NEBL: variants seen among roughly 807,000 people sequenced by gnomAD.
NEBL encodes nebulette.
A neutral mutation model predicts 140.2 loss-of-function variants in NEBL; 122 were observed. The observed-to-expected ratio is 0.87, with a 90% CI of 0.75 to 1.01. NEBL has a LOEUF of 1.01. Ranked by LOEUF, NEBL falls within the 50% of genes least tolerant of loss-of-function variation. The pLI is 0.00. For synonymous variants in NEBL, 436 were observed against 398.9 expected (o/e 1.09, Z -1.11); for missense variants, 1,365 against 1,231.3 (o/e 1.11, Z -1.62).
At chr10:21,168,436 A>G (rs1840888454) in intron 2 of NEBL, among the ~76,000 whole-genome samples, 2 of 152,190 alleles carry the variant, frequency 1.3e-5, no homozygotes, top group Non-Finnish European at 2.9e-5. Context: ...ATAATAGCAG[A>G]ACTTGAATAA....
At position 20,819,714 on chromosome 10, in the gene NEBL, T is replaced by TTTG. The variant is rs143964236; in HGVS notation, c.1963-201_1963-199dup. ...GCCAGTCTTTTCCTTGTCAAGTGGT[T>TTTG]TTGTTGTTGTTGTTGTTGTTTTATT... On this transcript the variant is annotated intron_variant, in intron 19 of 27. Transcript: ENST00000377122. Among the ~76,000 whole-genome samples, 4,713 of 151,998 alleles carry TTTG rather than the reference T, an allele frequency of 0.031. 217 individuals carry two copies. The highest frequency in any genetic ancestry group is 0.11 in the African/African-American group (4,355 of 41,404).
At chr10:21,095,971 G>A (rs1444167287) in intron 2 of NEBL, among the ~76,000 whole-genome samples, 1 of 152,170 alleles carries the variant, frequency 6.6e-6, no homozygotes, top group African/African-American at 2.4e-5. Context: ...TCAGTAAAAT[G>A]AAAAAGTTAG....
intron 26 of NEBL, among the ~76,000 whole-genome samples, chr10:20,797,407 G>A (rs984907879): frequency 5.3e-5 from 8 of 152,106 alleles, no homozygotes; most frequent in Non-Finnish European, 1.0e-4. Flanking sequence ...GTTCTGATAC[G>A]TAGTTTTACA....
intron 4 of NEBL, among the ~76,000 whole-genome samples, chr10:20,939,040 C>A (rs1360316457): frequency 2.6e-5 from 4 of 152,094 alleles, no homozygotes; most frequent in Non-Finnish European, 5.9e-5. Flanking sequence ...GAGAACTTCC[C>A]CAATCTAGCA....
chr10:20,805,406 T>C (rs1358327699), intron 26 of NEBL, among the ~76,000 whole-genome samples: 2 of 152,200 alleles, frequency 1.3e-5, no homozygotes, highest in Non-Finnish European at 2.9e-5. Flanking sequence ...ACATGTCACT[T>C]GTGTTTATGT....
chr10:21,276,356 C>G (rs1437522745), intron 1 of NEBL, among the ~76,000 whole-genome samples: 1 of 152,166 alleles, frequency 6.6e-6, no homozygotes, highest in Non-Finnish European at 1.5e-5. Flanking sequence ...TTAACCCACA[C>G]CTTGGGCTTC....
intron 27 of NEBL, among the ~76,000 whole-genome samples, chr10:20,786,734 T>G (rs1391809807): frequency 6.6e-6 from 1 of 152,194 alleles, no homozygotes; most frequent in African/African-American, 2.4e-5. Context: ...AACTAGCAAA[T>G]GTTGAACACT....
chr10:20,822,161 G>T (rs904283691), intron 19 of NEBL, among the ~76,000 whole-genome samples: 1 of 152,068 alleles, frequency 6.6e-6, no homozygotes, highest in Non-Finnish European at 1.5e-5. Flanking sequence ...AGTGAACATA[G>T]CTATATACTC....
At chr10:20,899,209 C>G (rs1394392749), upstream of NEBL, among the ~76,000 whole-genome samples, 1 of 152,164 alleles carries the variant, frequency 6.6e-6, no homozygotes, top group Non-Finnish European at 1.5e-5. Context: ...ATTACATTAT[C>G]TTTATTTGGA....
chr10:20,783,364 A>G lies in NEBL; in HGVS notation c.*2383T>C, dbSNP rs1349064421. ...CTTCATTGTAAAACAACTACCCTTT[A>G]GTTAAATTCTGATCAGATCTTAATT... is the stretch of plus-strand genomic sequence containing the variant. On this transcript the variant is annotated 3_prime_UTR_variant, in exon 28 of 28. Transcript: ENST00000377122. The G allele has an allele frequency of 1.3e-5, 2 of 152,188 alleles. No homozygotes were observed. Among genetic ancestry groups the G allele is most frequent in the African/African-American group, 2.4e-5 (1 of 41,454 alleles). 9.4% of individuals were successfully genotyped at this position (152,188 alleles called of 1,614,324 possible). A position where few individuals can be genotyped will look rare whatever the true frequency, so the allele number is the denominator to read the frequency against.
In NEBL at chr10:20,819,667, T is replaced by C. The variant is rs867048125; in HGVS notation, c.1963-151A>G. 51 of 981,636 alleles carry C rather than the reference T, an allele frequency of 5.2e-5. No homozygotes were observed. The South Asian group carries it at 6.8e-4, about 13-fold the overall frequency. The allele number at this position is 981,636 out of a possible 1,614,324, so 60.8% of individuals were successfully genotyped here. A position where few individuals can be genotyped will look rare whatever the true frequency, so the allele number is the denominator to read the frequency against. On this transcript the variant is annotated intron_variant, in intron 19 of 27. Coordinates refer to ENST00000377122, the MANE Select transcript of NEBL (RefSeq NM_006393.3). ...TTCATAGTGAAATATGTATTGCTTA[T>C]AGATTTTATCTTCTTGGCGATGCCA...
At chr10:21,148,608 T>C (rs1039759516) in intron 2 of NEBL, among the ~76,000 whole-genome samples, 1 of 151,760 alleles carries the variant, frequency 6.6e-6, no homozygotes, top group Non-Finnish European at 1.5e-5. Context: ...TCACTGCAAC[T>C]TCCACCTCCT....
intron 3 of NEBL, among the ~76,000 whole-genome samples, chr10:20,986,242 C>T (rs779715196): frequency 6.6e-6 from 1 of 152,084 alleles, no homozygotes; most frequent in African/African-American, 2.4e-5. Context: ...CAAAGCAACC[C>T]AACAGTTCAA....
chr10:21,120,903 G>A lies in NEBL; in HGVS notation c.164+51480C>T, dbSNP rs1838542296. ...CAAAGGAATTATTCCATTCTATTGT[G>A]TAAGCTGTGGATGTTTACCATATTC... On this transcript the variant is annotated intron_variant, in intron 2 of 6. Transcript: ENST00000417816. 2.0e-5 allele frequency among the ~76,000 whole-genome samples: 3 copies of A among 152,068 alleles called. No homozygotes were observed. The South Asian group carries it at 6.2e-4, about 32-fold the overall frequency.
chr10:21,265,573 T>A (rs931829388), intron 1 of NEBL, among the ~76,000 whole-genome samples: 1 of 152,126 alleles, frequency 6.6e-6, no homozygotes, highest in Non-Finnish European at 1.5e-5. Flanking sequence ...GGGCACATAG[T>A]TTATAATAGA....
chr10:20,901,324 A>G (rs788984), upstream of NEBL, among the ~76,000 whole-genome samples: 135,870 of 152,128 alleles, frequency 0.89, 60,851 homozygotes, highest in South Asian at 0.92. Context: ...TTCAAGTCTC[A>G]GAGACACAGC....
intron 2 of NEBL, among the ~76,000 whole-genome samples, chr10:21,094,467 A>C (rs1332531351): frequency 7.4e-6 from 1 of 134,992 alleles, no homozygotes; most frequent in Non-Finnish European, 1.5e-5. Context: ...GTGCCACTGC[A>C]CTCCAGCCTG....
chr10:20,978,509 T>G (rs1291596866), intron 3 of NEBL, among the ~76,000 whole-genome samples: 1 of 151,922 alleles, frequency 6.6e-6, no homozygotes, highest in African/African-American at 2.4e-5. Flanking sequence ...GTAATTTCAG[T>G]GCTTTCAGAG....
intron 1 of NEBL, among the ~76,000 whole-genome samples, chr10:21,266,436 A>G (rs1268325699): frequency 6.6e-6 from 1 of 152,104 alleles, no homozygotes; most frequent in East Asian, 1.9e-4. Flanking sequence ...GCCACCACTC[A>G]TACAGCTCAT....
Sources: gnomAD v4.1 joint callset for allele counts (sites outside exome capture counted in the v4.1 genomes callset) on GRCh38, gnomAD v4.1.1 for gene constraint, MANE v1.5 for transcripts, NCBI Gene and HGNC (gene_info 2026-07-23, HGNC 2026-07-21) for gene names.